Variants in MAGED1 observed in about 807,000 individuals in gnomAD.
The protein encoded by MAGED1 is melanoma-associated antigen D1.
In MAGED1, 3 loss-of-function variants were observed where a neutral mutation model predicts 54.1. The observed-to-expected ratio is 0.06, with a 90% CI of 0.03 to 0.14. The LOEUF is 0.14. MAGED1 is among the 10% of genes least tolerant of loss of function. The pLI is 1.00. For synonymous variants in MAGED1, 217 were observed against 227.3 expected (o/e 0.95, Z 0.41); for missense variants, 485 against 623.4 (o/e 0.78, Z 2.36).
upstream of MAGED1, among the ~76,000 whole-genome samples, chrX:51,890,226 T>C (rs1474019445): frequency 8.9e-6 from 1 of 112,571 alleles, no homozygotes; most frequent in African/African-American, 3.2e-5. Flanking sequence ...CAGTATTTCA[T>C]ACATGTTTTC....
At chrX:51,884,090 G>A (rs1602260608) in intron 1 of MAGED1, among the ~76,000 whole-genome samples, 1 of 111,437 alleles carries the variant, frequency 9.0e-6, no homozygotes, top group Non-Finnish European at 1.9e-5. Context: ...TACTGAAAAA[G>A]TGTTGAGAGA....
intron 1 of MAGED1, among the ~76,000 whole-genome samples, chrX:51,861,982 A>T (rs912303515): frequency 2.1e-4 from 23 of 111,836 alleles, no homozygotes; most frequent in African/African-American, 7.1e-4. Flanking sequence ...TCATATGTCT[A>T]TTTTTGTGTA....
At chrX:51,854,109 G>C (rs781816733) in intron 1 of MAGED1, among the ~76,000 whole-genome samples, 10 of 111,709 alleles carry the variant, frequency 9.0e-5, no homozygotes, top group Non-Finnish European at 1.7e-4. Context: ...TCAAGGTCAA[G>C]ACCATCTATC....
rs1557364559 is a variant in MAGED1 at position 51,898,273 on chromosome X, C to T, written c.1739-12C>T. 9.1e-6 allele frequency: 11 copies of T among 1,210,929 alleles called. No individual in the cohort carries two copies. Among genetic ancestry groups the T allele is most frequent in the Admixed American group, 2.2e-5 (1 of 46,011 alleles). ...TTTTCCGTCCCTTGTCTCCCCTTGC[C>T]TCCCATTGCAGCTGTCCTCTGGGAG... On this transcript the variant is annotated splice_polypyrimidine_tract_variant and intron_variant, in intron 8 of 12. Transcript: ENST00000326587.
chrX:51,825,728 C>T (rs906382302), intron 1 of MAGED1, among the ~76,000 whole-genome samples: 2 of 111,827 alleles, frequency 1.8e-5, no homozygotes, highest in African/African-American at 6.5e-5. Context: ...AGTTTATGGC[C>T]TTCTCAGGTG....
At chrX:51,891,955 A>G (rs782772281), upstream of MAGED1, among the ~76,000 whole-genome samples, 1 of 112,358 alleles carries the variant, frequency 8.9e-6, no homozygotes, top group Non-Finnish European at 1.9e-5. Context: ...GGCAGCTGAC[A>G]GAGGAGGTTG....
Position 51,896,852 on chromosome X carries a change from A to C in MAGED1, c.1197A>C (p.Gln399His). ...GCTGGCAGGGTCCTCCAGACTGGCA[A>C]GGTCCTCCTGACTGGCCGCTACCAC... Reference protein sequence around the residue: ...PPGWQGPPDWQGPPDWPLPPD... With the variant: ...PPGWQGPPDWHGPPDWPLPPD... Residue 399 changes from glutamine (Q) to histidine (H), a missense_variant, in exon 4 of 13, where the codon CAA (glutamine) becomes CAC (histidine). By Grantham distance (24) the Gln-to-His change is conservative (BLOSUM62 0). Transcript: ENST00000326587. 8.3e-7 allele frequency: 1 copy of C among 1,203,166 alleles called. No individual in the cohort carries two copies. The highest frequency in any genetic ancestry group is 1.1e-6 in the Non-Finnish European group (1 of 891,163).
chrX:51,873,513 CTGTG>C (rs782291880), intron 1 of MAGED1, among the ~76,000 whole-genome samples: 4 of 64,901 alleles, frequency 6.2e-5, no homozygotes, highest in Admixed American at 4.1e-4. Context: ...GTGTGTTAGA[CTGTG>C]TGTGTGTGTG....
intron 2 of MAGED1, chrX:51,894,557 CT>C (rs1359834893): frequency 1.0e-6 from 1 of 981,555 alleles, no homozygotes; most frequent in African/African-American, 2.0e-5. Context: ...AGGGGAGACC[CT>C]GTTAGTAGTC....
rs782090868 is a variant in MAGED1, at chrX:51,895,035, T to TC, written c.46-12dup. 107 of 1,162,465 alleles carry TC rather than the reference T, an allele frequency of 9.2e-5. No homozygotes were observed. Among genetic ancestry groups the TC allele is most frequent in the Non-Finnish European group, 8.6e-5 (74 of 864,996 alleles). ...TCAGAGGCCCAGAGATTTAATTTTT[T>TC]CCCCCCTGTGTTTGCAGGCTGAGGC... On this transcript the variant is annotated splice_polypyrimidine_tract_variant and intron_variant, in intron 2 of 12. Coordinates refer to ENST00000326587, the MANE Select transcript of MAGED1 (RefSeq NM_006986.4).
At chrX:51,896,226 G>C in intron 3 of MAGED1, 183 bp from the exon 4 acceptor site, 1 of 452,805 alleles carries the variant, frequency 2.2e-6, no homozygotes, top group East Asian at 3.7e-5. Flanking sequence ...GTTGCTCCTG[G>C]CCTGGCTCGG....
At chrX:51,842,910 G>T (rs1311513503) in intron 1 of MAGED1, among the ~76,000 whole-genome samples, 1 of 109,011 alleles carries the variant, frequency 9.2e-6, no homozygotes, top group African/African-American at 3.4e-5. Flanking sequence ...GCCCAGGCTG[G>T]TCTCTAACTC....
At chrX:51,894,186 C>G in intron 1 of MAGED1, 83 bp from the exon 2 acceptor site, 1 of 536,040 alleles carries the variant, frequency 1.9e-6, no homozygotes, top group Non-Finnish European at 3.2e-6. Context: ...TCCGCCCGCA[C>G]AGTCAGACCA....
At chrX:51,881,421 C>CT (rs11458572) in intron 1 of MAGED1, among the ~76,000 whole-genome samples, 25,593 of 101,936 alleles carry the variant, frequency 0.25, 2,838 homozygotes, top group Middle Eastern at 0.33. Context: ...CTTTTCTTTT[C>CT]TTTTTTTTTT....
intron 1 of MAGED1, among the ~76,000 whole-genome samples, chrX:51,855,369 A>G (rs1557360109): frequency 8.9e-6 from 1 of 111,846 alleles, no homozygotes; most frequent in Non-Finnish European, 1.9e-5. Flanking sequence ...TAATTGATAT[A>G]TTTCTTTTCA....
At chrX:51,836,071 G>A (rs1001866869) in intron 1 of MAGED1, among the ~76,000 whole-genome samples, 33 of 111,215 alleles carry the variant, frequency 3.0e-4, no homozygotes, top group African/African-American at 9.8e-4. Flanking sequence ...TAATTTGGGC[G>A]TCTTTGTTAC....
chrX:51,900,974 T>G (rs1928996615), intron 11 of MAGED1, among the ~76,000 whole-genome samples: 1 of 112,275 alleles, frequency 8.9e-6, no homozygotes, highest in Non-Finnish European at 1.9e-5. Context: ...AATATACATA[T>G]TTATGGGGTA....
At chrX:51,893,239 G>A (rs1423282546), upstream of MAGED1, among the ~76,000 whole-genome samples, 2 of 110,511 alleles carry the variant, frequency 1.8e-5, no homozygotes, top group African/African-American at 6.6e-5. Context: ...ACCTAAGCAT[G>A]CTGGACAAGG....
intron 1 of MAGED1, among the ~76,000 whole-genome samples, chrX:51,876,322 T>C (rs1927866608): frequency 9.1e-6 from 1 of 110,072 alleles, no homozygotes; most frequent in Non-Finnish European, 1.9e-5. Flanking sequence ...GTTAAACACA[T>C]ACTGAAGCCA....
Sources: gnomAD v4.1 joint callset for allele counts (sites outside exome capture counted in the v4.1 genomes callset) on GRCh38, gnomAD v4.1.1 for gene constraint, MANE v1.5 for transcripts, NCBI Gene and HGNC (gene_info 2026-07-23, HGNC 2026-07-21) for gene names.